CHCHD4: variants seen among roughly 807,000 people sequenced by gnomAD.
The protein encoded by CHCHD4 is coiled-coil-helix-coiled-coil-helix domain containing 4.
Under a neutral mutation model 12.4 loss-of-function variants are expected in CHCHD4, and 7 were observed. The ratio of observed to expected loss-of-function variants is 0.57; its 90% CI spans 0.32 to 1.06. The LOEUF is 1.06. Ranked by LOEUF, CHCHD4 falls within the 50% of genes least tolerant of loss-of-function variation. The pLI, the probability that CHCHD4 is intolerant of heterozygous loss-of-function variation, is 0.04. For synonymous variants in CHCHD4, 56 were observed against 58.0 expected, an observed-to-expected ratio of 0.97 and a Z score of 0.16; for missense variants, 143 against 175.1, an observed-to-expected ratio of 0.82 and a Z score of 1.03.
chr3:14,118,203 C>T (rs76908361), intron 1 of CHCHD4, among the ~76,000 whole-genome samples: 4 of 152,166 alleles, frequency 2.6e-5, no homozygotes, highest in African/African-American at 4.8e-5. Context: ...CAGGTATGGC[C>T]AAAAGTGCCT....
rs1694877773 is a variant in CHCHD4, at chr3:14,116,495, C to T, written c.52G>A (p.Glu18Lys). ...GKDRIIFVTK[E>K]DHETPSSAEL... ...GCACTGCTTGGAGTTTCATGATCTT[C>T]TTTGGTTACAAATATGATTCGATCC... Residue 18 changes from glutamate to lysine, a missense_variant, in exon 2 of 3, where the codon GAA becomes AAA. Physicochemically the swap from Glu to Lys is moderately conservative, Grantham distance 56 (BLOSUM62 1). Transcript: ENST00000396914. The T allele has an allele frequency of 6.2e-7, 1 of 1,612,854 alleles. No homozygotes were observed. The highest frequency in any genetic ancestry group is 1.3e-5 in the African/African-American group (1 of 74,918).
intron 2 of CHCHD4, among the ~76,000 whole-genome samples, chr3:14,115,800 T>C (rs1214662451): frequency 6.6e-6 from 1 of 152,170 alleles, no homozygotes; most frequent in Non-Finnish European, 1.5e-5. Context: ...AATACGTAGA[T>C]TGTTCATGGA....
At chr3:14,121,878 T>C (rs767983781) in intron 1 of CHCHD4, 1 of 1,614,060 alleles carries the variant, frequency 6.2e-7, no homozygotes, top group Non-Finnish European at 8.5e-7. Flanking sequence ...GACAGAGTGT[T>C]AAGAAGAATG....
Position 14,112,515 on chromosome 3 carries a change from A to C in CHCHD4, c.*372T>G. ...TTGTTGTATTATTTCCCCAAGGGGT[A>C]TAAAATCTACCAAAAGGAATATAAT... On this transcript the variant is annotated 3_prime_UTR_variant, in exon 3 of 3. Transcript: ENST00000396914. 1 of 178,108 alleles carries C rather than the reference A, an allele frequency of 5.6e-6. No homozygotes were observed. Among genetic ancestry groups the C allele is most frequent in the Non-Finnish European group, 1.2e-5 (1 of 84,542 alleles). The allele number at this position is 178,108 out of a possible 1,614,324, so 11.0% of individuals were successfully genotyped here.
Position 14,112,665 on chromosome 3 carries a change from C to T in CHCHD4, c.*222G>A. On this transcript the variant is annotated 3_prime_UTR_variant, in exon 3 of 3. Coordinates refer to ENST00000396914, the MANE Select transcript of CHCHD4 (RefSeq NM_001098502.2). ...GGGCAATCTGAGAATTCAAAAGTGG[C>T]GGCCACAGGTTTGGGTAGGACACAC... 2 of 439,646 alleles carry T rather than the reference C, an allele frequency of 4.5e-6. No individual in the cohort carries two copies. The highest frequency in any genetic ancestry group is 2.0e-5 in the African/African-American group (1 of 50,522). 27.2% of individuals were successfully genotyped at this position (439,646 alleles called of 1,614,324 possible). A position where few individuals can be genotyped will look rare whatever the true frequency, so the allele number is the denominator to read the frequency against.
intron 2 of CHCHD4, among the ~76,000 whole-genome samples, chr3:14,115,434 T>C (rs1229152403): frequency 6.6e-6 from 1 of 152,236 alleles, no homozygotes; most frequent in African/African-American, 2.4e-5. Context: ...ATGTGCTTAA[T>C]ATGGATCTAA....
intron 1 of CHCHD4, 79 bp from the exon 2 acceptor site, chr3:14,116,603 C>T (rs2124975947): frequency 9.6e-7 from 1 of 1,041,430 alleles, no homozygotes; most frequent in East Asian, 2.4e-5. Flanking sequence ...AGCCGCCACA[C>T]AAACCAAGTT....
At chr3:14,114,673 TAAC>T (rs1694858230) in intron 2 of CHCHD4, among the ~76,000 whole-genome samples, 2 of 152,158 alleles carry the variant, frequency 1.3e-5, no homozygotes, top group Non-Finnish European at 2.9e-5. Context: ...AAAAAAATCA[TAAC>T]AAAAAATGTA....
At chr3:14,115,813 C>G (rs1313418022) in intron 2 of CHCHD4, among the ~76,000 whole-genome samples, 1 of 152,110 alleles carries the variant, frequency 6.6e-6, no homozygotes, top group East Asian at 1.9e-4. Flanking sequence ...TTCATGGACA[C>G]TGCACACACA....
rs111949356 is a variant in CHCHD4, at chr3:14,116,196, C to T, written c.121+230G>A. Among the ~76,000 whole-genome samples the T allele has an allele frequency of 6.0e-3, 913 of 152,354 alleles. 4 individuals carry two copies. The highest frequency in any genetic ancestry group is 0.021 in the African/African-American group (889 of 41,576). On this transcript the variant is annotated intron_variant, in intron 2 of 2. Transcript: ENST00000396914. ...AACTGCTGGAATCTACTAATACCCT[C>T]TCCCAAAACTTAGCTGTTGTGCCAG...
In CHCHD4 at chr3:14,124,751, T is replaced by A. The variant is rs1559358640; in HGVS notation, c.-75A>T. 6.9e-7 allele frequency: 1 copy of A among 1,449,928 alleles called. No individual in the cohort carries two copies. The highest frequency in any genetic ancestry group is 9.2e-7 in the Non-Finnish European group (1 of 1,085,446). 89.8% of individuals were successfully genotyped at this position (1,449,928 alleles called of 1,614,324 possible). ...GCACCTTTACGCCGTGACCTCCCTC[T>A]CCTCTGGCAGGGCGGGCTCCTCCGA... On this transcript the variant is annotated 5_prime_UTR_variant, in exon 1 of 3. Coordinates refer to ENST00000396914, the MANE Select transcript of CHCHD4 (RefSeq NM_001098502.2).
intron 2 of CHCHD4, among the ~76,000 whole-genome samples, chr3:14,115,642 C>T (rs552467208): frequency 6.6e-6 from 1 of 152,332 alleles, no homozygotes; most frequent in South Asian, 2.1e-4. Context: ...AATATACACA[C>T]ATCAGTTAGC....
intron 1 of CHCHD4, among the ~76,000 whole-genome samples, chr3:14,119,835 G>C (rs1261882607): frequency 6.6e-6 from 1 of 152,104 alleles, no homozygotes; most frequent in Non-Finnish European, 1.5e-5. Flanking sequence ...TCAGAAACCA[G>C]GCCTTACCAC....
chr3:14,118,251 C>A (rs1694896590), intron 1 of CHCHD4, among the ~76,000 whole-genome samples: 1 of 152,172 alleles, frequency 6.6e-6, no homozygotes, highest in Non-Finnish European at 1.5e-5. Flanking sequence ...AGTGAGTGGC[C>A]ACTGTGGGCG....
At chr3:14,122,116 T>C in intron 1 of CHCHD4, 1 of 1,546,988 alleles carries the variant, frequency 6.5e-7, no homozygotes, top group Non-Finnish European at 8.7e-7. Flanking sequence ...TTTTAAGTAG[T>C]GTTCGCTCAC....
chr3:14,124,589 G>T (rs1264493021), intron 1 of CHCHD4, 66 bp downstream of exon 1: 6 of 1,408,444 alleles, frequency 4.3e-6, no homozygotes, highest in Non-Finnish European at 5.6e-6. Context: ...GTCGCGGGGC[G>T]CCGGGGCCCG....
chr3:14,122,159 A>T, intron 1 of CHCHD4: 9 of 1,488,474 alleles, frequency 6.0e-6, no homozygotes, highest in Non-Finnish European at 8.0e-6. Flanking sequence ...TTTTCTTAAG[A>T]AAGTGGCATT....
At chr3:14,121,242 T>G (rs1694930755) in intron 1 of CHCHD4, among the ~76,000 whole-genome samples, 1 of 152,204 alleles carries the variant, frequency 6.6e-6, no homozygotes, top group Non-Finnish European at 1.5e-5. Flanking sequence ...GTCTGCTCTT[T>G]CTGGCTGCTT....
At chr3:14,120,980 GTC>G (rs1214032980) in intron 1 of CHCHD4, among the ~76,000 whole-genome samples, 1 of 152,158 alleles carries the variant, frequency 6.6e-6, no homozygotes, top group Non-Finnish European at 1.5e-5. Context: ...CTGCTTCTGT[GTC>G]TCTTTGTTGT....
Sources: allele counts gnomAD v4.1 joint callset (sites outside exome capture counted in the v4.1 genomes callset), GRCh38; gene constraint gnomAD v4.1.1; transcripts MANE v1.5; gene names NCBI Gene and HGNC (gene_info 2026-07-23, HGNC 2026-07-21).